ANKRD24: variants seen among roughly 807,000 people sequenced by gnomAD.
ANKRD24 encodes ankyrin repeat domain-containing protein 24.
A neutral mutation model predicts 127.8 loss-of-function variants in ANKRD24; 109 were observed. The observed-to-expected ratio is 0.85, with a 90% CI of 0.73 to 1.00. The LOEUF is 1.00. Ranked by LOEUF, ANKRD24 falls within the 50% of genes least tolerant of loss-of-function variation. The pLI is 0.00. For synonymous variants in ANKRD24, 743 were observed against 671.1 expected (o/e 1.11, Z -1.66); for missense variants, 1,648 against 1,570.2 (o/e 1.05, Z -0.84).
chr19:4,209,341 CAA>C (rs1172095294), intron 11 of ANKRD24, among the ~76,000 whole-genome samples: 1 of 151,956 alleles, frequency 6.6e-6, no homozygotes, highest in African/African-American at 2.4e-5. Context: ...CTCCTGGCCT[CAA>C]GTGACCCACC....
At chr19:4,192,355 A>G (rs1241437072) in intron 2 of ANKRD24, among the ~76,000 whole-genome samples, 1 of 147,822 alleles carries the variant, frequency 6.8e-6, no homozygotes, top group Non-Finnish European at 1.5e-5. Flanking sequence ...TTCTTTTTAT[A>G]TTTTTATTTT....
At chr19:4,202,811 A>C in intron 6 of ANKRD24, 58 bp from the exon 7 acceptor site, 3 of 1,535,994 alleles carry the variant, frequency 2.0e-6, no homozygotes, top group Non-Finnish European at 2.7e-6. Flanking sequence ...AGGCAGTCCT[A>C]GAGAAATCAG....
In ANKRD24 at chr19:4,217,570, C is replaced by G; in HGVS notation, c.2410C>G (p.Arg804Gly). The G allele has an allele frequency of 1.5e-6, 2 of 1,309,326 alleles. No individual in the cohort carries two copies. Among genetic ancestry groups the G allele is most frequent in the Non-Finnish European group, 9.7e-7 (1 of 1,033,366 alleles). 81.1% of individuals were successfully genotyped at this position (1,309,326 alleles called of 1,614,324 possible). The change falls in exon 18 of 22, where the codon CGC (arginine) becomes GGC (glycine). Residue 804 changes from arginine (R) to glycine (G), a missense_variant. By Grantham distance (125) the Arg-to-Gly change is moderately radical. Transcript: ENST00000318934. ...AREDLRDRDS[R>G]LRELEAASAC... The stretch of plus-strand genomic sequence containing the variant: ...GGAGGACCTCCGAGACCGGGACTCC[C>G]GCCTGCGGGAGCTGGAGGCGGCCTC...
intron 13 of ANKRD24, 25 bp from the exon 14 acceptor site, chr19:4,212,450 C>G (rs1210106829): frequency 6.4e-7 from 1 of 1,574,166 alleles, no homozygotes; most frequent in African/African-American, 1.4e-5. Context: ...CAGATCCAAA[C>G]CCCTGTCCCT....
intron 15 of ANKRD24, among the ~76,000 whole-genome samples, chr19:4,214,723 G>A (rs574692344): frequency 2.0e-5 from 3 of 152,050 alleles, no homozygotes; most frequent in African/African-American, 4.8e-5. Flanking sequence ...GTGTGCTGGC[G>A]AGCTCCTGTA....
Position 4,212,521 on chromosome 19 carries a change from G to C in ANKRD24, c.1098+8G>C. On this transcript the variant is annotated splice_region_variant and intron_variant, in intron 14 of 21. Coordinates refer to ENST00000318934, the MANE Select transcript of ANKRD24 (RefSeq NM_001393985.1). ...CACATCCTGGAGAGACAGGTAGGTG[G>C]GAAGGTGGGGAGGAGCCGGTCCTCC... The C allele has an allele frequency of 6.4e-7, 1 of 1,556,858 alleles. No individual in the cohort carries two copies. Among genetic ancestry groups the C allele is most frequent in the Non-Finnish European group, 8.7e-7 (1 of 1,151,656 alleles).
intron 15 of ANKRD24, among the ~76,000 whole-genome samples, chr19:4,213,665 T>C (rs990220056): frequency 6.6e-6 from 1 of 151,712 alleles, no homozygotes; most frequent in Non-Finnish European, 1.5e-5. Flanking sequence ...AGTTTCACTC[T>C]TGTTGCCCAG....
chr19:4,218,814 C>T lies in ANKRD24; in HGVS notation c.3003+651C>T, dbSNP rs1400348959. 2.1e-5 allele frequency among the ~76,000 whole-genome samples: 3 copies of T among 146,204 alleles called. No homozygotes were observed. In the East Asian group the frequency reaches 6.1e-4, roughly 30 times the overall value. ...CTGAAAAGTCACCCAGTCACCCAGGCTGGAGTGCAGTGGCACAATCATAGC... is the reference window on the plus strand; with the variant it reads ...CTGAAAAGTCACCCAGTCACCCAGGTTGGAGTGCAGTGGCACAATCATAGC... On this transcript the variant is annotated intron_variant, in intron 18 of 21. Transcript: ENST00000318934.
In ANKRD24 at chr19:4,199,841, C is replaced by T. The variant is rs1968989048; in HGVS notation, c.124-34C>T. The T allele has an allele frequency of 6.5e-7, 1 of 1,547,904 alleles. No homozygotes were observed. The highest frequency in any genetic ancestry group is 8.7e-7 in the Non-Finnish European group (1 of 1,144,928). On this transcript the variant is annotated intron_variant, in intron 3 of 21. Transcript: ENST00000318934. The surrounding 1 kb of genome is among the most constrained non-coding windows in gnomAD (Gnocchi z 5.2). Reference sequence around the variant, plus strand: ...GGCGTGGGGAGGGGACAGCAGCCAACACTGCCCCACGCACTTCTGGGCGTG... The same window carrying T: ...GGCGTGGGGAGGGGACAGCAGCCAATACTGCCCCACGCACTTCTGGGCGTG...
At chr19:4,215,896 CCCAGT>C (rs1970034569) in intron 15 of ANKRD24, 77 bp from the exon 16 acceptor site, 2 of 1,134,400 alleles carry the variant, frequency 1.8e-6, no homozygotes, top group Admixed American at 4.2e-5. Context: ...ATGTGAACAG[CCCAGT>C]CCCCACTGGA....
rs922963293 is a variant in ANKRD24 at position 4,199,202 on chromosome 19, G to C, written c.37-481G>C. Reference sequence around the variant, plus strand: ...AAAGACTCATGGATCCATTTGCTGGGGGCGATGTTGCAGGGGTGGCTTTCA... The same window carrying C: ...AAAGACTCATGGATCCATTTGCTGGCGGCGATGTTGCAGGGGTGGCTTTCA... On this transcript the variant is annotated intron_variant, in intron 2 of 21. Coordinates refer to ENST00000318934, the MANE Select transcript of ANKRD24 (RefSeq NM_001393985.1). This position sits in a 1 kb window ranked among gnomAD's most constrained non-coding sequence, Gnocchi z 5.2. Among the ~76,000 whole-genome samples the C allele has an allele frequency of 2.6e-5, 4 of 152,034 alleles. No homozygotes were observed. The highest frequency in any genetic ancestry group is 2.6e-4 in the Admixed American group (4 of 15,240).
chr19:4,202,935 A>T lies in ANKRD24; in HGVS notation c.466+9A>T, dbSNP rs1969175837. 1.3e-5 allele frequency: 21 copies of T among 1,561,240 alleles called. No individual in the cohort carries two copies. The highest frequency in any genetic ancestry group is 1.8e-5 in the Non-Finnish European group (21 of 1,152,704). On this transcript the variant is annotated intron_variant, in intron 7 of 21. Coordinates refer to ENST00000318934, the MANE Select transcript of ANKRD24 (RefSeq NM_001393985.1). The stretch of plus-strand genomic sequence containing the variant: ...TGCCCTACACCATGCAGGTGGGTGC[A>T]GCCCAGCCCTGCCCTGACCCCGAAG...
intron 2 of ANKRD24, among the ~76,000 whole-genome samples, chr19:4,196,068 G>A (rs1489825525): frequency 1.3e-5 from 2 of 152,184 alleles, no homozygotes; most frequent in Non-Finnish European, 2.9e-5. Flanking sequence ...GTGGGTGGAG[G>A]CCAGGGATGC....
Position 4,210,039 on chromosome 19 carries a change from C to G in ANKRD24, c.871-19C>G, listed in dbSNP as rs570723079. 5.1e-6 allele frequency: 8 copies of G among 1,581,334 alleles called. No individual in the cohort carries two copies. The highest frequency in any genetic ancestry group is 1.1e-5 in the South Asian group (1 of 87,854). ...CCCCCCGATCGGCCCCCTTCACTCT[C>G]TCTCCCCTCCCTTCCCAGAACTCTA... On this transcript the variant is annotated intron_variant, in intron 11 of 21. Coordinates refer to ENST00000318934, the MANE Select transcript of ANKRD24 (RefSeq NM_001393985.1).
rs1418880826 is a variant in ANKRD24, at chr19:4,199,749, G to A, written c.103G>A (p.Ala35Thr). 6.5e-7 allele frequency: 1 copy of A among 1,537,358 alleles called. No individual in the cohort carries two copies. The highest frequency in any genetic ancestry group is 8.7e-7 in the Non-Finnish European group (1 of 1,144,316). ...CGGCCCCTGCCCCATCCCGAAGCCG[G>A]CAGCCAGAGGCAGGCGCCAGGCAAG... ...PCGPCPIPKP[A>T]ARGRRQSQDW... The change falls in exon 3 of 22, where the codon GCA (alanine) becomes ACA (threonine). Residue 35 changes from alanine (A) to threonine (T), a missense_variant. Ala to Thr is a moderately conservative substitution (Grantham distance 58, BLOSUM62 0). Transcript: ENST00000318934. The surrounding 1 kb of genome is among the most constrained non-coding windows in gnomAD (Gnocchi z 5.2).
intron 5 of ANKRD24, among the ~76,000 whole-genome samples, 200 bp downstream of exon 5, chr19:4,200,371 G>A (rs754723522): frequency 3.9e-5 from 6 of 152,164 alleles, no homozygotes; most frequent in Non-Finnish European, 7.4e-5. Context: ...GACTGTGGCT[G>A]GCACCGAGCA....
rs1268883748 is a variant in ANKRD24, at chr19:4,217,573, C to G, written c.2413C>G (p.Leu805Val). Residue 805 changes from leucine to valine, a missense_variant, in exon 18 of 22, where the codon CTG becomes GTG. Leu to Val is a conservative substitution (Grantham distance 32). Transcript: ENST00000318934. The part of the protein sequence containing the change: ...REDLRDRDSR[L>V]RELEAASACL... The stretch of plus-strand genomic sequence containing the variant: ...GGACCTCCGAGACCGGGACTCCCGC[C>G]TGCGGGAGCTGGAGGCGGCCTCGGC... 2 of 1,308,966 alleles carry G rather than the reference C, an allele frequency of 1.5e-6. No homozygotes were observed. Among genetic ancestry groups the G allele is most frequent in the African/African-American group, 3.1e-5 (2 of 63,828 alleles). 81.1% of individuals were successfully genotyped at this position (1,308,966 alleles called of 1,614,324 possible).
At chr19:4,222,598 T>G in intron 19 of ANKRD24, 72 bp from the exon 20 acceptor site, 1 of 1,457,084 alleles carries the variant, frequency 6.9e-7, no homozygotes, top group Non-Finnish European at 9.2e-7. Context: ...GGCCTCTTCC[T>G]GCGGCTGCAG....
At chr19:4,219,832 C>T (rs1221266472) in intron 19 of ANKRD24, 74 bp downstream of exon 19, 2 of 1,469,314 alleles carry the variant, frequency 1.4e-6, no homozygotes, top group Non-Finnish European at 1.8e-6. Flanking sequence ...CTACGAAGGT[C>T]CTCACTGCAA....
Sources: gnomAD v4.1 joint callset for allele counts (sites outside exome capture counted in the v4.1 genomes callset) on GRCh38, gnomAD v4.1.1 for gene constraint, Gnocchi (gnomAD v3.1) non-coding constraint, MANE v1.5 for transcripts, NCBI Gene and HGNC (gene_info 2026-07-23, HGNC 2026-07-21) for gene names.